The following CNOT1 variants were observed in gnomAD, a reference collection of about 807,000 sequenced individuals.
CNOT1 encodes the protein CCR4-associated factor 1.
A neutral mutation model predicts 273.8 loss-of-function variants in CNOT1; 15 were observed. That is an observed-to-expected ratio of 0.05 (90% CI 0.04 to 0.08). CNOT1 has a LOEUF of 0.08. Among genes scored for constraint, CNOT1 ranks in the 10% least tolerant of loss-of-function variants. The pLI, the probability that CNOT1 is intolerant of heterozygous loss-of-function variation, is 1.00. For missense variants in CNOT1, 1,644 were observed against 2,912.2 expected (o/e 0.56, Z 10.02); for synonymous variants, 1,022 against 1,005.5 (o/e 1.02, Z -0.31).
intron 29 of CNOT1, 86 bp downstream of exon 29, chr16:58,546,235 T>TA: frequency 8.5e-7 from 1 of 1,173,262 alleles, no homozygotes; most frequent in Non-Finnish European, 1.2e-6. Flanking sequence ...TGTGGGAAAT[T>TA]ATAGTTTGCG....
intron 16 of CNOT1, among the ~76,000 whole-genome samples, chr16:58,566,922 C>T (rs1178453322): frequency 2.0e-5 from 3 of 152,114 alleles, no homozygotes; most frequent in Non-Finnish European, 2.9e-5. Flanking sequence ...TGAGCCACCG[C>T]GCCCAGCCTA....
chr16:58,580,486 C>T lies in CNOT1; in HGVS notation c.1343+147G>A, dbSNP rs150661900. On this transcript the variant is annotated intron_variant, in intron 12 of 48. Coordinates refer to ENST00000317147, the MANE Select transcript of CNOT1 (RefSeq NM_016284.5). ...ACTGAAAAAGAATTTATCTACCAAC[C>T]CCCTCTATAAATACTTAAGATAAGT... is the stretch of plus-strand genomic sequence containing the variant. 89 of 1,260,556 alleles carry T rather than the reference C, an allele frequency of 7.1e-5. No individual in the cohort carries two copies. The East Asian group carries it at 2.6e-3, about 36-fold the overall frequency. 78.1% of individuals were successfully genotyped at this position (1,260,556 alleles called of 1,614,324 possible). A position where few individuals can be genotyped will look rare whatever the true frequency, so the allele number is the denominator to read the frequency against.
chr16:58,558,325 T>A lies in CNOT1; in HGVS notation c.2332+148A>T, dbSNP rs1240399905. On this transcript the variant is annotated intron_variant, in intron 18 of 48. Transcript: ENST00000317147. ...TGAATTGAATATAATCTGTTTTTCT[T>A]TTCCCAACTTTGGATACTGAAGTAG... The A allele has an allele frequency of 7.3e-6, 10 of 1,364,616 alleles. No individual in the cohort carries two copies. The East Asian group carries it at 2.5e-4, about 34-fold the overall frequency. The allele number at this position is 1,364,616 out of a possible 1,614,324, so 84.5% of individuals were successfully genotyped here.
chr16:58,525,482 G>T, intron 45 of CNOT1, 123 bp from the exon 46 acceptor site: 1 of 778,568 alleles, frequency 1.3e-6, no homozygotes, highest in Non-Finnish European at 2.0e-6. Flanking sequence ...TGATTCACTT[G>T]CTTGAATTTG....
chr16:58,615,481 A>G (rs1286659520), intron 1 of CNOT1, among the ~76,000 whole-genome samples: 1 of 125,158 alleles, frequency 8.0e-6, no homozygotes, highest in Admixed American at 8.0e-5. Flanking sequence ...TGCCCGATGA[A>G]TAAACCCCCA....
chr16:58,522,009 AAAT>A (rs1272026711), intron 47 of CNOT1, among the ~76,000 whole-genome samples: 3 of 151,718 alleles, frequency 2.0e-5, no homozygotes, highest in Non-Finnish European at 4.4e-5. Flanking sequence ...AGGAAACAGA[AAAT>A]AAGAATTAAG....
rs1429719000 is a variant in CNOT1, at chr16:58,532,261, G to A, written c.6030C>T (p.Thr2010=). The A allele has an allele frequency of 1.9e-6, 3 of 1,614,024 alleles. No individual in the cohort carries two copies. The South Asian group carries it at 3.3e-5, about 18-fold the overall frequency. The part of the protein sequence containing the change: ...ELNAPEHVLE[T]INFQTLTAFC... ...AAGCTGTAAGTGTCTGGAAATTAAT[G>A]GTTTCCAACACATGCTCAGGTGCAT... is the stretch of plus-strand genomic sequence containing the variant. Residue 2010 remains threonine (T), a synonymous_variant, in exon 41 of 49, where the codon ACC becomes ACT. Transcript: ENST00000317147.
chr16:58,555,369 G>T lies in CNOT1; in HGVS notation c.2773C>A (p.Leu925Met). Residue 925 changes from leucine (L) to methionine (M), a missense_variant, in exon 21 of 49, where the codon CTG (leucine) becomes ATG (methionine). Coordinates refer to ENST00000317147, the MANE Select transcript of CNOT1 (RefSeq NM_016284.5). ...AGACCTAGTGCCATGTAAGTGACCA[G>T]TCCTTTCTCAATTATACCACCAAAT... ...CLFGGIIEKG[L>M]VTYMALGLAL... 1.9e-6 allele frequency: 3 copies of T among 1,614,196 alleles called. No individual in the cohort carries two copies. Among genetic ancestry groups the T allele is most frequent in the Non-Finnish European group, 1.7e-6 (2 of 1,180,034 alleles).
Position 58,585,323 on chromosome 16 carries a change from C to G in CNOT1, c.806+15G>C, listed in dbSNP as rs1426529180. 3.7e-6 allele frequency: 6 copies of G among 1,613,204 alleles called. No homozygotes were observed. Among genetic ancestry groups the G allele is most frequent in the Non-Finnish European group, 4.2e-6 (5 of 1,179,874 alleles). ...CACAAGAATAATCAGAAGCTTAACA[C>G]ATTTTACTACCAACCTTGCACAAAA... On this transcript the variant is annotated intron_variant, in intron 8 of 48. Coordinates refer to ENST00000317147, the MANE Select transcript of CNOT1 (RefSeq NM_016284.5).
At chr16:58,543,411 GAAAA>G in intron 31 of CNOT1, 192 bp downstream of exon 31, 2 of 1,348,062 alleles carry the variant, frequency 1.5e-6, no homozygotes, top group Non-Finnish European at 2.0e-6. Context: ...GAATATAACA[GAAAA>G]AAAAAAAAAC....
Position 58,576,572 on chromosome 16 carries a change from G to A in CNOT1, c.1595C>T (p.Pro532Leu). ...HYAWHGQGQSPSIRQLIMHAM... is the reference protein window; with the variant it reads ...HYAWHGQGQSLSIRQLIMHAM... ...ATGCATGATAAGTTGGCGAATTGAGGGAGACTGTCCCTAAAAAGGGGAAGA... is the reference window on the plus strand; with the variant it reads ...ATGCATGATAAGTTGGCGAATTGAGAGAGACTGTCCCTAAAAAGGGGAAGA... The change falls in exon 14 of 49, where the codon CCC (proline) becomes CTC (leucine). Residue 532 changes from proline (P) to leucine (L), a missense_variant. Transcript: ENST00000317147. 6.2e-7 allele frequency: 1 copy of A among 1,614,100 alleles called. No homozygotes were observed. The highest frequency in any genetic ancestry group is 1.1e-5 in the South Asian group (1 of 91,078).
At chr16:58,535,203 G>C (rs1453742149) in intron 39 of CNOT1, among the ~76,000 whole-genome samples, 1 of 152,080 alleles carries the variant, frequency 6.6e-6, no homozygotes, top group East Asian at 1.9e-4. Context: ...AAAACTTCAA[G>C]GTTATCTTGA....
chr16:58,620,789 T>C (rs2043282626), intron 1 of CNOT1, among the ~76,000 whole-genome samples: 1 of 151,792 alleles, frequency 6.6e-6, no homozygotes, highest in South Asian at 2.1e-4. Context: ...GATGAAGGTA[T>C]TAGAATGACT....
chr16:58,625,420 G>C (rs984038261), intron 1 of CNOT1, among the ~76,000 whole-genome samples: 5 of 152,292 alleles, frequency 3.3e-5, no homozygotes, highest in African/African-American at 1.2e-4. Context: ...GCTGAGGCAG[G>C]AGAATCACTT....
At chr16:58,543,210 G>C (rs377119069) in intron 31 of CNOT1, 1 of 1,510,526 alleles carries the variant, frequency 6.6e-7, no homozygotes, top group Non-Finnish European at 8.9e-7. Flanking sequence ...AAACTAGTAA[G>C]TGAATTATTT....
chr16:58,595,439 A>C (rs1172557668), intron 2 of CNOT1, among the ~76,000 whole-genome samples: 2 of 146,182 alleles, frequency 1.4e-5, no homozygotes, highest in African/African-American at 2.5e-5. Context: ...AAAAAAAAAA[A>C]AACTCCATCT....
intron 1 of CNOT1, among the ~76,000 whole-genome samples, chr16:58,611,367 T>C (rs2042892733): frequency 6.6e-6 from 1 of 151,606 alleles, no homozygotes; most frequent in South Asian, 2.1e-4. Context: ...AAGCAGAGGT[T>C]ACAGGGAGCC....
chr16:58,551,170 T>A lies in CNOT1; in HGVS notation c.3304A>T (p.Ile1102Phe), dbSNP rs1453794022. The A allele has an allele frequency of 6.2e-7, 1 of 1,608,872 alleles. No individual in the cohort carries two copies. The highest frequency in any genetic ancestry group is 8.5e-7 in the Non-Finnish European group (1 of 1,178,802). Residue 1102 changes from isoleucine to phenylalanine, a missense_variant, in exon 24 of 49, where the codon ATT becomes TTT. By Grantham distance (21) the Ile-to-Phe change is conservative (BLOSUM62 0). Transcript: ENST00000317147. ...PENIQEKIAF[I>F]FNNLSQSNMT... ...TTTGACTGTGAGAGATTATTGAAAA[T>A]AAAAGCAATTTTCTCCTGGATATTT...
chr16:58,612,832 T>C (rs1038314466), intron 1 of CNOT1, among the ~76,000 whole-genome samples: 3 of 152,182 alleles, frequency 2.0e-5, no homozygotes, highest in Non-Finnish European at 4.4e-5. Context: ...GGTTCACTTA[T>C]TAAAATCTTA....
Sources: gnomAD v4.1 joint callset for allele counts (sites outside exome capture counted in the v4.1 genomes callset) on GRCh38, gnomAD v4.1.1 for gene constraint, MANE v1.5 for transcripts, NCBI Gene and HGNC (gene_info 2026-07-23, HGNC 2026-07-21) for gene names.